MSI2: variants seen among roughly 807,000 people sequenced by gnomAD.
MSI2 encodes RNA-binding protein Musashi homolog 2.
In MSI2, 17 loss-of-function variants were observed where a neutral mutation model predicts 45.6. The observed-to-expected ratio is 0.37, with a 90% confidence interval of 0.26 to 0.56. The LOEUF (loss-of-function observed/expected upper bound fraction) is 0.56, where lower values mean the gene tolerates loss of function less well. Ranked by LOEUF, MSI2 falls within the 20% of genes least tolerant of loss-of-function variation. The pLI, the probability that MSI2 is intolerant of heterozygous loss-of-function variation, is 0.77. For synonymous variants in MSI2, 156 were observed against 158.2 expected (o/e 0.99, Z 0.11); for missense variants, 293 against 444.2 (o/e 0.66, Z 3.06).
intron 7 of MSI2, among the ~76,000 whole-genome samples, chr17:57,551,408 G>A (rs552901134): frequency 3.3e-5 from 5 of 152,290 alleles, no homozygotes; most frequent in Admixed American, 6.5e-5. Context: ...GAGGGAGGGC[G>A]GAGGTCTGTA....
chr17:57,380,789 A>G (rs970627114), intron 5 of MSI2, among the ~76,000 whole-genome samples: 1 of 152,122 alleles, frequency 6.6e-6, no homozygotes, highest in African/African-American at 2.4e-5. Flanking sequence ...CTAGTCCTAT[A>G]CCTGACACCA....
At chr17:57,349,028 T>C (rs769929040) in intron 5 of MSI2, among the ~76,000 whole-genome samples, 6 of 152,210 alleles carry the variant, frequency 3.9e-5, no homozygotes, top group Non-Finnish European at 7.3e-5. Context: ...GCCAGTAGAC[T>C]AAGGAGATAT....
At chr17:57,459,007 G>A (rs747080764) in intron 6 of MSI2, among the ~76,000 whole-genome samples, 1 of 152,216 alleles carries the variant, frequency 6.6e-6, no homozygotes, top group Admixed American at 6.5e-5. Context: ...TGCGTCGCTC[G>A]GAAGAATGCC....
At chr17:57,518,095 A>G (rs2086508327) in intron 6 of MSI2, among the ~76,000 whole-genome samples, 1 of 152,186 alleles carries the variant, frequency 6.6e-6, no homozygotes, top group Non-Finnish European at 1.5e-5. Context: ...TAAAGAGAGC[A>G]GGGTGGAAGA....
intron 7 of MSI2, among the ~76,000 whole-genome samples, chr17:57,568,391 A>G (rs1353963077): frequency 6.6e-6 from 1 of 152,186 alleles, no homozygotes; most frequent in Non-Finnish European, 1.5e-5. Flanking sequence ...AATACTGGCC[A>G]TGGCATAATC....
chr17:57,519,218 A>T (rs2086532958), intron 6 of MSI2, among the ~76,000 whole-genome samples: 1 of 152,170 alleles, frequency 6.6e-6, no homozygotes, highest in Admixed American at 6.5e-5. Flanking sequence ...GAAAACCCAC[A>T]GCATTGGGTG....
intron 5 of MSI2, among the ~76,000 whole-genome samples, chr17:57,380,378 G>A (rs989608694): frequency 6.6e-6 from 1 of 152,174 alleles, no homozygotes; most frequent in African/African-American, 2.4e-5. Context: ...GAACTTGAGT[G>A]GAGTGTGTGC....
chr17:57,339,908 T>C (rs1376491020), intron 5 of MSI2, among the ~76,000 whole-genome samples: 1 of 152,156 alleles, frequency 6.6e-6, no homozygotes, highest in African/African-American at 2.4e-5. Flanking sequence ...CCAAGGTCCC[T>C]GGCCTCCAGT....
chr17:57,699,292 A>G, the MSI2 span, among the ~76,000 whole-genome samples: 1 of 148,800 alleles, frequency 6.7e-6, no homozygotes, highest in Non-Finnish European at 1.5e-5. Context: ...AGAGAGAGAG[A>G]GTGTGTAAGC....
chr17:57,355,835 T>A (rs1458250614), intron 5 of MSI2, among the ~76,000 whole-genome samples: 2 of 152,232 alleles, frequency 1.3e-5, no homozygotes, highest in Non-Finnish European at 2.9e-5. Flanking sequence ...AAGATATCCA[T>A]CAAATACTTT....
chr17:57,323,813 C>T (rs1913549077), intron 5 of MSI2, among the ~76,000 whole-genome samples: 1 of 152,214 alleles, frequency 6.6e-6, no homozygotes, highest in South Asian at 2.1e-4. Flanking sequence ...CTGATTTGAA[C>T]GGACATCTAG....
chr17:57,445,224 G>C (rs2084875555), intron 6 of MSI2, among the ~76,000 whole-genome samples: 1 of 152,190 alleles, frequency 6.6e-6, no homozygotes. Flanking sequence ...TCCCAGAAAA[G>C]CTTCCTTCGG....
rs149507754 is a variant in MSI2, at chr17:57,269,051, A to G, written c.312+6859A>G. ...GATAAGCACAGTAGAAGAGGTAGGA[A>G]CAGCATTTTGAGGAAGGGCAATCTA... On this transcript the variant is annotated intron_variant, in intron 5 of 13. Coordinates refer to ENST00000284073, the MANE Select transcript of MSI2 (RefSeq NM_138962.4). Among the ~76,000 whole-genome samples, 6 of 152,308 alleles carry G rather than the reference A, an allele frequency of 3.9e-5. No homozygotes were observed. The East Asian group carries it at 1.2e-3, about 29-fold the overall frequency.
chr17:57,544,130 T>C (rs2087112258), intron 7 of MSI2, among the ~76,000 whole-genome samples: 1 of 152,176 alleles, frequency 6.6e-6, no homozygotes, highest in Admixed American at 6.5e-5. Flanking sequence ...TGAGTGTGTT[T>C]GTGTGTAGGT....
chr17:57,534,729 A>G (rs777541749), intron 7 of MSI2, among the ~76,000 whole-genome samples: 65 of 152,148 alleles, frequency 4.3e-4, no homozygotes, highest in Middle Eastern at 3.4e-3. Context: ...AAAATATAAA[A>G]CAAAAACCTG....
the MSI2 span, among the ~76,000 whole-genome samples, chr17:57,690,940 A>T: frequency 6.6e-6 from 1 of 151,944 alleles, no homozygotes; most frequent in Non-Finnish European, 1.5e-5. Flanking sequence ...GTCTGCACAG[A>T]CCTAAGTCTG....
chr17:57,501,315 C>T (rs1055845618), intron 6 of MSI2, among the ~76,000 whole-genome samples: 1 of 152,238 alleles, frequency 6.6e-6, no homozygotes, highest in African/African-American at 2.4e-5. Flanking sequence ...AGTTGAGCCC[C>T]TCTGCCAGAC....
At chr17:57,533,958 C>T (rs1047825013) in intron 7 of MSI2, among the ~76,000 whole-genome samples, 2 of 152,252 alleles carry the variant, frequency 1.3e-5, no homozygotes, top group Non-Finnish European at 2.9e-5. Flanking sequence ...CATCCTGACA[C>T]AGCACCCACT....
At chr17:57,491,680 G>T (rs1444594464) in intron 6 of MSI2, among the ~76,000 whole-genome samples, 5 of 152,304 alleles carry the variant, frequency 3.3e-5, no homozygotes, top group Non-Finnish European at 7.3e-5. Flanking sequence ...GGCTGCCAAT[G>T]CTCACTTCCA....
Sources: allele counts gnomAD v4.1 joint callset (sites outside exome capture counted in the v4.1 genomes callset), GRCh38; gene constraint gnomAD v4.1.1; transcripts MANE v1.5; gene names NCBI Gene and HGNC (gene_info 2026-07-23, HGNC 2026-07-21).